CTNNA3: variants seen among roughly 807,000 people sequenced by gnomAD.
CTNNA3 encodes catenin alpha 3.
A neutral mutation model predicts 95.7 loss-of-function variants in CTNNA3; 76 were observed. That is an observed-to-expected ratio of 0.79 (90% CI 0.66 to 0.96). The LOEUF (loss-of-function observed/expected upper bound fraction) is 0.96. Among genes scored for constraint, CTNNA3 ranks in the 40% least tolerant of loss-of-function variants. The pLI is 0.00. For missense variants in CTNNA3, 1,191 were observed against 1,089.8 expected (o/e 1.09, Z -1.31); for synonymous variants, 431 against 374.4 (o/e 1.15, Z -1.74).
At chr10:66,933,196 G>A (rs1361940876) in intron 7 of CTNNA3, among the ~76,000 whole-genome samples, 1 of 152,200 alleles carries the variant, frequency 6.6e-6, no homozygotes, top group Non-Finnish European at 1.5e-5. Context: ...AGAACCCCAA[G>A]CCCATTTTAC....
At chr10:67,044,094 C>G (rs1854576805) in intron 7 of CTNNA3, among the ~76,000 whole-genome samples, 1 of 151,924 alleles carries the variant, frequency 6.6e-6, no homozygotes, top group Non-Finnish European at 1.5e-5. Flanking sequence ...CTTCCCTCCT[C>G]CCTCTTTCCC....
intron 15 of CTNNA3, among the ~76,000 whole-genome samples, chr10:66,040,073 C>A (rs2079654098): frequency 6.6e-6 from 1 of 152,020 alleles, no homozygotes; most frequent in Non-Finnish European, 1.5e-5. Context: ...AGGACATGAA[C>A]AGACACTTTT....
intron 5 of CTNNA3, among the ~76,000 whole-genome samples, chr10:67,400,929 T>C (rs1397731845): frequency 2.6e-5 from 4 of 152,188 alleles, no homozygotes; most frequent in African/African-American, 9.7e-5. Flanking sequence ...TTTGCTGTCA[T>C]CCTCAAATGT....
intron 9 of CTNNA3, among the ~76,000 whole-genome samples, chr10:66,754,129 C>A (rs1839275115): frequency 6.6e-6 from 1 of 152,140 alleles, no homozygotes; most frequent in African/African-American, 2.4e-5. Flanking sequence ...GGTTTTAAAT[C>A]TTACTACAAA....
chr10:66,851,885 A>G (rs1192650934), intron 7 of CTNNA3, among the ~76,000 whole-genome samples: 1 of 152,106 alleles, frequency 6.6e-6, no homozygotes, highest in Non-Finnish European at 1.5e-5. Flanking sequence ...AATGAGTGCA[A>G]TAGATACATT....
At chr10:66,759,715 G>A (rs559300251) in intron 9 of CTNNA3, among the ~76,000 whole-genome samples, 9 of 152,266 alleles carry the variant, frequency 5.9e-5, no homozygotes, top group African/African-American at 1.7e-4. Context: ...TGTGGCTATT[G>A]AGCACTTAAA....
intron 5 of CTNNA3, among the ~76,000 whole-genome samples, chr10:67,335,751 G>A (rs1169391466): frequency 6.6e-6 from 1 of 152,146 alleles, no homozygotes; most frequent in East Asian, 1.9e-4. Flanking sequence ...GGTAAAGTTA[G>A]TTTTATTACA....
intron 17 of CTNNA3, among the ~76,000 whole-genome samples, chr10:65,958,497 C>G (rs534343519): frequency 6.6e-6 from 1 of 152,270 alleles, no homozygotes; most frequent in African/African-American, 2.4e-5. Flanking sequence ...AGCTTTTCTG[C>G]TGTGGTTTCT....
At chr10:67,431,440 C>A (rs1203717354) in intron 5 of CTNNA3, among the ~76,000 whole-genome samples, 1 of 151,926 alleles carries the variant, frequency 6.6e-6, no homozygotes, top group Non-Finnish European at 1.5e-5. Context: ...TCTAACAAAC[C>A]CCATGAGATA....
At chr10:67,347,840 A>AAC (rs1274700461) in intron 5 of CTNNA3, among the ~76,000 whole-genome samples, 1 of 151,112 alleles carries the variant, frequency 6.6e-6, no homozygotes, top group African/African-American at 2.4e-5. Flanking sequence ...CTGAAAAAAA[A>AAC]AAAAAAAACA....
At chr10:67,293,756 A>G (rs1839927051) in intron 5 of CTNNA3, among the ~76,000 whole-genome samples, 1 of 145,344 alleles carries the variant, frequency 6.9e-6, no homozygotes. Flanking sequence ...TATGAGTGAG[A>G]GCATGCGGTG....
rs573102932 is a variant in CTNNA3 at position 66,684,789 on chromosome 10, C to A, written c.1282-63005G>T. Among the ~76,000 whole-genome samples the A allele has an allele frequency of 1.9e-3, 286 of 152,142 alleles. 1 individual carries two copies. The highest frequency in any genetic ancestry group is 6.6e-3 in the African/African-American group (275 of 41,524). ...AAAAACACGTGCATGATTCTAGAGG[C>A]TACATATGCTATTGATGCTGAAAAT... On this transcript the variant is annotated intron_variant, in intron 9 of 17. Transcript: ENST00000433211.
intron 7 of CTNNA3, among the ~76,000 whole-genome samples, chr10:66,886,250 A>C (rs1220868948): frequency 1.3e-5 from 2 of 152,144 alleles, no homozygotes; most frequent in Non-Finnish European, 2.9e-5. Flanking sequence ...GCCCACTTAT[A>C]AGCTCAACAG....
intron 7 of CTNNA3, among the ~76,000 whole-genome samples, chr10:66,833,908 A>G (rs1410839469): frequency 6.6e-6 from 1 of 152,134 alleles, no homozygotes; most frequent in African/African-American, 2.4e-5. Flanking sequence ...AATACCTAAG[A>G]AGCTTTTACC....
chr10:67,273,083 C>A (rs1839049409), intron 5 of CTNNA3, among the ~76,000 whole-genome samples: 1 of 152,084 alleles, frequency 6.6e-6, no homozygotes, highest in Admixed American at 6.6e-5. Flanking sequence ...AGAGTTCTAT[C>A]ATTTATTACT....
At chr10:67,124,184 C>G (rs766492048) in intron 7 of CTNNA3, among the ~76,000 whole-genome samples, 1 of 152,158 alleles carries the variant, frequency 6.6e-6, no homozygotes, top group Non-Finnish European at 1.5e-5. Flanking sequence ...CCTCTCAATT[C>G]CAAAATTGAC....
intron 13 of CTNNA3, among the ~76,000 whole-genome samples, chr10:66,203,369 T>C (rs767533029): frequency 5.9e-5 from 9 of 152,184 alleles, no homozygotes; most frequent in Non-Finnish European, 1.0e-4. Flanking sequence ...GCGGCTATGC[T>C]TCAAAGTATA....
At chr10:66,057,013 T>C (rs1470651264) in intron 15 of CTNNA3, among the ~76,000 whole-genome samples, 1 of 152,160 alleles carries the variant, frequency 6.6e-6, no homozygotes, top group African/African-American at 2.4e-5. Flanking sequence ...GAAAGCCAAA[T>C]ATACCCCTCA....
chr10:66,300,221 C>T (rs1459607391), intron 12 of CTNNA3, among the ~76,000 whole-genome samples: 3 of 151,914 alleles, frequency 2.0e-5, no homozygotes, highest in Non-Finnish European at 4.4e-5. Context: ...TTAAAATCAC[C>T]ATTAGAATAT....
Sources: allele counts gnomAD v4.1 joint callset (sites outside exome capture counted in the v4.1 genomes callset), GRCh38; gene constraint gnomAD v4.1.1; transcripts MANE v1.5; gene names NCBI Gene and HGNC (gene_info 2026-07-23, HGNC 2026-07-21).